Variants in GRIA1 observed in about 807,000 individuals in gnomAD.
The protein encoded by GRIA1 is glutamate ionotropic receptor AMPA type subunit 1.
In GRIA1, 31 loss-of-function variants were observed where a neutral mutation model predicts 99.2. The ratio of observed to expected loss-of-function variants is 0.31; its 90% CI spans 0.23 to 0.42. The LOEUF (loss-of-function observed/expected upper bound fraction) is 0.42, where lower values mean the gene tolerates loss of function less well. GRIA1 is among the 10% of genes least tolerant of loss of function. GRIA1 has a pLI of 1.00. For missense variants in GRIA1, 782 were observed against 1,157.5 expected (o/e 0.68, Z 4.71); for synonymous variants, 438 against 432.4 (o/e 1.01, Z -0.16).
At position 153,593,551 on chromosome 5, in the gene GRIA1, CT is replaced by C. The variant is rs528563617; in HGVS notation, c.221-53376del. On this transcript the variant is annotated intron_variant, in intron 2 of 15. Coordinates refer to ENST00000285900, the MANE Select transcript of GRIA1 (RefSeq NM_000827.4). ...GCACACTCTTAAACTTTTTGTGTTT[CT>C]GCTTTATTGTTTTTTGTTTGTTTGC... 4.5e-3 allele frequency among the ~76,000 whole-genome samples: 684 copies of C among 152,192 alleles called. 6 individuals are homozygous for C. Among genetic ancestry groups the C allele is most frequent in the African/African-American group, 0.015 (632 of 41,506 alleles).
intron 11 of GRIA1, among the ~76,000 whole-genome samples, chr5:153,731,492 T>C (rs1561810256): frequency 6.6e-6 from 1 of 152,138 alleles, no homozygotes; most frequent in Admixed American, 6.5e-5. Flanking sequence ...GTGTTTTTCA[T>C]GCATTTTTAC....
At chr5:153,697,607 G>A (rs756339422) in intron 8 of GRIA1, among the ~76,000 whole-genome samples, 2 of 152,140 alleles carry the variant, frequency 1.3e-5, no homozygotes, top group Non-Finnish European at 2.9e-5. Flanking sequence ...TAAAAATAAA[G>A]TAAAAGAATG....
intron 2 of GRIA1, among the ~76,000 whole-genome samples, chr5:153,593,958 TC>T (rs899958148): frequency 1.3e-5 from 2 of 152,226 alleles, no homozygotes; most frequent in African/African-American, 2.4e-5. Flanking sequence ...TAGTTTTTAT[TC>T]CACTCTTAAA....
intron 2 of GRIA1, among the ~76,000 whole-genome samples, chr5:153,580,022 A>G (rs1762911004): frequency 6.6e-6 from 1 of 152,208 alleles, no homozygotes; most frequent in Non-Finnish European, 1.5e-5. Context: ...ACAGGGAAAC[A>G]GAGGACCACA....
intron 13 of GRIA1, among the ~76,000 whole-genome samples, chr5:153,779,889 G>A (rs866863562): frequency 2.0e-5 from 3 of 152,272 alleles, no homozygotes; most frequent in African/African-American, 4.8e-5. Context: ...GCCTGGTTGA[G>A]AAGCTCATAA....
intron 2 of GRIA1, among the ~76,000 whole-genome samples, chr5:153,555,355 G>A (rs554593923): frequency 3.3e-5 from 5 of 151,192 alleles, no homozygotes; most frequent in African/African-American, 7.3e-5. Context: ...TTCATTTTTC[G>A]CGCATTCCTA....
At chr5:153,711,628 C>T (rs567761096) in intron 11 of GRIA1, among the ~76,000 whole-genome samples, 76 of 152,254 alleles carry the variant, frequency 5.0e-4, no homozygotes, top group South Asian at 2.1e-4. Context: ...ATCACCCAGG[C>T]GATACCTATG....
chr5:153,674,302 A>T (rs1195288284), intron 5 of GRIA1, among the ~76,000 whole-genome samples, 198 bp from the exon 6 acceptor site: 1 of 152,212 alleles, frequency 6.6e-6, no homozygotes, highest in Non-Finnish European at 1.5e-5. Flanking sequence ...CAAACTAGGC[A>T]TACTGGCTCC....
intron 2 of GRIA1, among the ~76,000 whole-genome samples, chr5:153,623,384 T>C (rs1385882095): frequency 5.3e-5 from 8 of 152,186 alleles, no homozygotes; most frequent in African/African-American, 1.9e-4. Flanking sequence ...AGAGTGTCTA[T>C]GACTTCAAGG....
Position 153,606,996 on chromosome 5 carries a change from T to C in GRIA1, c.221-39932T>C, listed in dbSNP as rs566954277. On this transcript the variant is annotated intron_variant, in intron 2 of 15. Transcript: ENST00000285900. ...CCTCAGGAGGAAAATAAGGCAGTGC[T>C]CCCTCTTCCCATTCTTTAAAAGAAT... Among the ~76,000 whole-genome samples, 14 of 148,718 alleles carry C rather than the reference T, an allele frequency of 9.4e-5. No individual in the cohort carries two copies. The East Asian group carries it at 2.0e-3, about 21-fold the overall frequency.
At chr5:153,710,632 A>G (rs4334936) in intron 11 of GRIA1, among the ~76,000 whole-genome samples, 106,774 of 152,094 alleles carry the variant, frequency 0.7, 37,902 homozygotes, top group East Asian at 0.96. Context: ...TTCATTTCTG[A>G]TCCATTTCCC....
At chr5:153,718,410 C>T (rs554436969) in intron 11 of GRIA1, among the ~76,000 whole-genome samples, 18 of 152,044 alleles carry the variant, frequency 1.2e-4, no homozygotes, top group East Asian at 9.7e-4. Flanking sequence ...AAGGGGTCGG[C>T]GGGGCGAGTC....
chr5:153,743,506 T>C (rs1208197465), intron 11 of GRIA1, among the ~76,000 whole-genome samples: 1 of 152,126 alleles, frequency 6.6e-6, no homozygotes, highest in Non-Finnish European at 1.5e-5. Flanking sequence ...GAAATCCCCA[T>C]TTTCTTGCTG....
Position 153,812,128 on chromosome 5 carries a change from G to A in GRIA1, c.*903G>A, listed in dbSNP as rs1766857037. ...GGCAGTCTGGTGGCTGAAGGCACTT[G>A]GCCTCCTAAACCAAGCAGAATTTTG... On this transcript the variant is annotated 3_prime_UTR_variant, in exon 16 of 16. Transcript: ENST00000285900. 1 of 152,006 alleles carries A rather than the reference G, an allele frequency of 6.6e-6. No homozygotes were observed. Among genetic ancestry groups the A allele is most frequent in the African/African-American group, 2.4e-5 (1 of 41,374 alleles). 9.4% of individuals were successfully genotyped at this position (152,006 alleles called of 1,614,324 possible). A position where few individuals can be genotyped will look rare whatever the true frequency, so the allele number is the denominator to read the frequency against.
intron 2 of GRIA1, among the ~76,000 whole-genome samples, chr5:153,586,941 G>A (rs1763535867): frequency 6.6e-6 from 1 of 152,178 alleles, no homozygotes; most frequent in African/African-American, 2.4e-5. Context: ...TCTCCTCACT[G>A]CTGATCTTGT....
At chr5:153,583,531 G>A (rs187515825) in intron 2 of GRIA1, among the ~76,000 whole-genome samples, 10 of 151,964 alleles carry the variant, frequency 6.6e-5, no homozygotes, top group Non-Finnish European at 1.2e-4. Context: ...CTTTCCCCTC[G>A]TGTGTCTGTG....
chr5:153,677,471 C>T (rs991117846), intron 7 of GRIA1, among the ~76,000 whole-genome samples: 4 of 152,136 alleles, frequency 2.6e-5, no homozygotes, highest in African/African-American at 7.2e-5. Flanking sequence ...GAAACTGAAC[C>T]ATGTTAATGG....
chr5:153,628,869 C>T (rs1041435506), intron 2 of GRIA1, among the ~76,000 whole-genome samples: 1 of 152,184 alleles, frequency 6.6e-6, no homozygotes, highest in African/African-American at 2.4e-5. Flanking sequence ...TGCAGAAGGA[C>T]AGTTACCATA....
At chr5:153,620,669 G>C (rs10515695) in intron 2 of GRIA1, among the ~76,000 whole-genome samples, 33,747 of 152,018 alleles carry the variant, frequency 0.22, 4,291 homozygotes, top group Non-Finnish European at 0.29. Flanking sequence ...TATCAGACTA[G>C]GGTTTTAAAA....
Sources: gnomAD v4.1 joint callset for allele counts (sites outside exome capture counted in the v4.1 genomes callset) on GRCh38, gnomAD v4.1.1 for gene constraint, MANE v1.5 for transcripts, NCBI Gene and HGNC (gene_info 2026-07-23, HGNC 2026-07-21) for gene names.